LMO1: variants seen among roughly 807,000 people sequenced by gnomAD.
LMO1 encodes the protein rhombotin-1.
In LMO1, 10 loss-of-function variants were observed where a neutral mutation model predicts 18.0. That is an observed-to-expected ratio of 0.55 (90% CI 0.34 to 0.94). LMO1 has a LOEUF of 0.94. Among genes scored for constraint, LMO1 ranks in the 40% least tolerant of loss-of-function variants. The probability of loss-of-function intolerance (pLI) is 0.02; values close to 1 mark genes in which losing one functional copy is unlikely to be tolerated. For missense variants in LMO1, 183 were observed against 205.7 expected (o/e 0.89, Z 0.68); for synonymous variants, 77 against 77.9 (o/e 0.99, Z 0.06).
chr11:8,266,823 A>G (rs1044318352), upstream of LMO1, among the ~76,000 whole-genome samples: 5 of 152,190 alleles, frequency 3.3e-5, no homozygotes, highest in Non-Finnish European at 7.3e-5. Flanking sequence ...CTCCCAACAC[A>G]ATGCAGCTGC....
At position 8,263,567 on chromosome 11, in the gene LMO1, T is replaced by G. The variant is rs1015402927; in HGVS notation, c.-205A>C. On this transcript the variant is annotated 5_prime_UTR_variant, in exon 1 of 4. Transcript: ENST00000335790. ...AGATACAAAAGCAGTCTCACCTACT[T>G]TTGTGCCTCAGAATTGGAAGGAACT... 14 of 1,370,616 alleles carry G rather than the reference T, an allele frequency of 1.0e-5. No homozygotes were observed. The highest frequency in any genetic ancestry group is 1.1e-5 in the Non-Finnish European group (12 of 1,065,446). The allele number at this position is 1,370,616 out of a possible 1,614,324, so 84.9% of individuals were successfully genotyped here. A position where few individuals can be genotyped will look rare whatever the true frequency, so the allele number is the denominator to read the frequency against.
At chr11:8,266,463 T>A (rs1290166811), upstream of LMO1, among the ~76,000 whole-genome samples, 25 of 145,434 alleles carry the variant, frequency 1.7e-4, no homozygotes, top group Non-Finnish European at 9.0e-5. Context: ...CTGGGGGAGG[T>A]AGTTTTCCCC....
At chr11:8,238,672 A>C (rs1952803992) in intron 1 of LMO1, among the ~76,000 whole-genome samples, 1 of 146,960 alleles carries the variant, frequency 6.8e-6, no homozygotes, top group Admixed American at 6.8e-5. Flanking sequence ...CTCCATCTCA[A>C]AAAAAAAAAA....
At chr11:8,249,373 TCTCTGC>T (rs1846949356) in intron 1 of LMO1, among the ~76,000 whole-genome samples, 1 of 152,170 alleles carries the variant, frequency 6.6e-6, no homozygotes, top group Non-Finnish European at 1.5e-5. Context: ...TATGCTGCTT[TCTCTGC>T]CTCTAGTTTT....
At chr11:8,238,326 T>C (rs1333173496) in intron 1 of LMO1, among the ~76,000 whole-genome samples, 1 of 152,192 alleles carries the variant, frequency 6.6e-6, no homozygotes, top group Non-Finnish European at 1.5e-5. Context: ...ACTGTATAAT[T>C]TCATTTATAT....
intron 1 of LMO1, among the ~76,000 whole-genome samples, chr11:8,256,514 G>C (rs1490295837): frequency 1.3e-5 from 2 of 152,178 alleles, no homozygotes; most frequent in African/African-American, 2.4e-5. Flanking sequence ...CTTCACACTG[G>C]GCAGCTGCCT....
At chr11:8,238,162 A>G (rs1952794433) in intron 1 of LMO1, among the ~76,000 whole-genome samples, 1 of 152,212 alleles carries the variant, frequency 6.6e-6, no homozygotes, top group South Asian at 2.1e-4. Flanking sequence ...AACAACATAA[A>G]TGTCCATCAA....
At chr11:8,239,176 G>T (rs531104648) in intron 1 of LMO1, among the ~76,000 whole-genome samples, 117 of 152,214 alleles carry the variant, frequency 7.7e-4, no homozygotes, top group Non-Finnish European at 1.3e-3. Context: ...TCCAGCACAC[G>T]CCCAGGGCTT....
At chr11:8,268,446 C>G, upstream of LMO1, 1 of 1,462,392 alleles carries the variant, frequency 6.8e-7, no homozygotes, top group Non-Finnish European at 9.0e-7. Flanking sequence ...GGTCCAACAC[C>G]ATGGTCCCGA....
chr11:8,260,882 G>A (rs1232681370), intron 1 of LMO1, among the ~76,000 whole-genome samples: 3 of 152,146 alleles, frequency 2.0e-5, no homozygotes, highest in Non-Finnish European at 4.4e-5. Context: ...CTTTGGGGGA[G>A]CCGGGGGGTG....
At chr11:8,252,476 GC>G (rs529148455) in intron 1 of LMO1, among the ~76,000 whole-genome samples, 78 of 152,322 alleles carry the variant, frequency 5.1e-4, no homozygotes, top group African/African-American at 1.7e-3. Flanking sequence ...TGTATCATCT[GC>G]CCCACTTCCT....
upstream of LMO1, chr11:8,268,311 C>A: frequency 1.2e-6 from 1 of 826,476 alleles, no homozygotes; most frequent in Non-Finnish European, 1.7e-6. Context: ...AGGAGGCCCG[C>A]GGGTGCTGAG....
At chr11:8,244,074 G>A (rs1175954714) in intron 1 of LMO1, among the ~76,000 whole-genome samples, 2 of 152,228 alleles carry the variant, frequency 1.3e-5, no homozygotes, top group African/African-American at 2.4e-5. Flanking sequence ...GAATGAGTGT[G>A]AACCACCCTG....
intron 1 of LMO1, among the ~76,000 whole-genome samples, chr11:8,258,221 C>G (rs1449471610): frequency 1.3e-5 from 2 of 152,194 alleles, no homozygotes; most frequent in African/African-American, 4.8e-5. Flanking sequence ...TTCTCAATGT[C>G]CCTGATCAGG....
intron 1 of LMO1, among the ~76,000 whole-genome samples, chr11:8,259,795 C>T (rs994394762): frequency 3.9e-5 from 6 of 152,226 alleles, no homozygotes; most frequent in African/African-American, 1.4e-4. Context: ...CATAGCCATG[C>T]GCCGGCTCTG....
At chr11:8,257,218 T>C (rs149463585) in intron 1 of LMO1, among the ~76,000 whole-genome samples, 93 of 152,232 alleles carry the variant, frequency 6.1e-4, no homozygotes, top group African/African-American at 2.0e-3. Context: ...ATCCCAAATA[T>C]GGGCCTGCTG....
At chr11:8,239,995 TGGCCAAAGCGA>T (rs1265432406) in intron 1 of LMO1, among the ~76,000 whole-genome samples, 1 of 152,206 alleles carries the variant, frequency 6.6e-6, no homozygotes, top group Non-Finnish European at 1.5e-5. Context: ...AAGCCACCAG[TGGCCAAAGCGA>T]GGCTGCAGAT....
At chr11:8,232,541 G>A (rs994519664) in intron 1 of LMO1, among the ~76,000 whole-genome samples, 7 of 152,188 alleles carry the variant, frequency 4.6e-5, no homozygotes, top group African/African-American at 1.7e-4. Flanking sequence ...GCATGACCTT[G>A]TCCTTAGGCC....
At chr11:8,231,127 G>A (rs1031789001) in intron 1 of LMO1, among the ~76,000 whole-genome samples, 3 of 152,164 alleles carry the variant, frequency 2.0e-5, no homozygotes, top group Non-Finnish European at 4.4e-5. Flanking sequence ...GGCTCCCCTT[G>A]GGAATGCTTC....
Sources: gnomAD v4.1 joint callset for allele counts (sites outside exome capture counted in the v4.1 genomes callset) on GRCh38, gnomAD v4.1.1 for gene constraint, MANE v1.5 for transcripts, NCBI Gene and HGNC (gene_info 2026-07-23, HGNC 2026-07-21) for gene names.